Variants in BCKDHB observed in about 807,000 individuals in gnomAD.
BCKDHB encodes the protein 2-oxoisovalerate dehydrogenase subunit beta, mitochondrial.
A neutral mutation model predicts 48.5 loss-of-function variants in BCKDHB; 41 were observed. That is an observed-to-expected ratio of 0.85 (90% confidence interval 0.66 to 1.10). The LOEUF (loss-of-function observed/expected upper bound fraction) is 1.10. Ranked by LOEUF, BCKDHB falls within the 50% of genes least tolerant of loss-of-function variation. The pLI, the probability that BCKDHB is intolerant of heterozygous loss-of-function variation, is 0.00. For missense variants in BCKDHB, 496 were observed against 494.2 expected (o/e 1.00, Z -0.03); for synonymous variants, 201 against 174.8 (o/e 1.15, Z -1.18).
chr6:80,422,568 C>T, the BCKDHB span, among the ~76,000 whole-genome samples: 1 of 152,190 alleles, frequency 6.6e-6, no homozygotes, highest in Non-Finnish European at 1.5e-5. Context: ...CCCATGAAAG[C>T]ATCTGTGGGG....
intron 9 of BCKDHB, among the ~76,000 whole-genome samples, chr6:80,323,929 C>T (rs1398906252): frequency 1.3e-5 from 2 of 152,150 alleles, no homozygotes; most frequent in African/African-American, 4.8e-5. Flanking sequence ...CCCGCCACTA[C>T]GGCCGGCTAA....
the BCKDHB span, among the ~76,000 whole-genome samples, chr6:80,420,178 G>T: frequency 1.3e-5 from 2 of 152,092 alleles, no homozygotes; most frequent in East Asian, 3.9e-4. Flanking sequence ...ACTACCCACT[G>T]GAACTTTATT....
intron 6 of BCKDHB, among the ~76,000 whole-genome samples, chr6:80,196,391 G>A (rs1774131982): frequency 6.6e-6 from 1 of 152,068 alleles, no homozygotes; most frequent in African/African-American, 2.4e-5. Flanking sequence ...TATCCTCCGT[G>A]ATGAAACCTA....
chr6:80,130,390 A>C, intron 3 of BCKDHB, among the ~76,000 whole-genome samples: 1 of 151,298 alleles, frequency 6.6e-6, no homozygotes, highest in African/African-American at 2.4e-5. Context: ...TTTCTGTTCC[A>C]CTCTTTCTGA....
intron 9 of BCKDHB, among the ~76,000 whole-genome samples, chr6:80,329,057 T>G (rs1769189839): frequency 6.6e-6 from 1 of 152,248 alleles, no homozygotes; most frequent in African/African-American, 2.4e-5. Flanking sequence ...AATGGGAAAT[T>G]GATATCTTTA....
chr6:80,421,120 A>G, the BCKDHB span, among the ~76,000 whole-genome samples: 10 of 152,050 alleles, frequency 6.6e-5, no homozygotes. Flanking sequence ...GTGGGAGGTG[A>G]TTGAATCATG....
At chr6:80,335,245 A>AAG (rs1769522508) in intron 9 of BCKDHB, among the ~76,000 whole-genome samples, 2 of 105,774 alleles carry the variant, frequency 1.9e-5, no homozygotes, top group Middle Eastern at 5.6e-3. Flanking sequence ...AAAAAAAAAA[A>AAG]AAGAAGAAAA....
intron 8 of BCKDHB, among the ~76,000 whole-genome samples, chr6:80,238,172 A>G (rs1249179012): frequency 6.6e-6 from 1 of 152,134 alleles, no homozygotes. Flanking sequence ...ATCTTGGCTT[A>G]TAGCAACCTC....
At chr6:80,329,680 T>C (rs1246584700) in intron 9 of BCKDHB, among the ~76,000 whole-genome samples, 2 of 152,140 alleles carry the variant, frequency 1.3e-5, no homozygotes, top group Admixed American at 1.3e-4. Flanking sequence ...CTCACCAGGC[T>C]CCTTTCTGCA....
intron 3 of BCKDHB, among the ~76,000 whole-genome samples, chr6:80,164,712 G>A (rs1296425981): frequency 6.6e-5 from 10 of 152,140 alleles, no homozygotes; most frequent in Admixed American, 5.9e-4. Context: ...CATAAGAAAT[G>A]GAGCCTTAGA....
chr6:80,394,742 G>A, the BCKDHB span, among the ~76,000 whole-genome samples: 3 of 152,244 alleles, frequency 2.0e-5, no homozygotes, highest in East Asian at 5.8e-4. Context: ...CCTCAGTAAG[G>A]GAGTAGTCTA....
At chr6:80,129,383 A>G (rs535894893) in intron 3 of BCKDHB, among the ~76,000 whole-genome samples, 154 bp downstream of exon 3, 4 of 152,270 alleles carry the variant, frequency 2.6e-5, no homozygotes, top group South Asian at 2.1e-4. Context: ...CCTTTGGCCT[A>G]TATTTTCTCA....
At chr6:80,252,919 C>T (rs575378125) in intron 8 of BCKDHB, among the ~76,000 whole-genome samples, 67 of 152,094 alleles carry the variant, frequency 4.4e-4, no homozygotes, top group Non-Finnish European at 7.8e-4. Context: ...TCTCTTTCTT[C>T]ACCCCCTCCT....
At chr6:80,350,961 T>G (rs887163049), downstream of BCKDHB, among the ~76,000 whole-genome samples, 4 of 152,192 alleles carry the variant, frequency 2.6e-5, no homozygotes, top group African/African-American at 9.6e-5. Flanking sequence ...GCTCTCAATA[T>G]GTTGCTGAAT....
chr6:80,282,741 C>A (rs1289880784), intron 9 of BCKDHB, among the ~76,000 whole-genome samples: 1 of 151,978 alleles, frequency 6.6e-6, no homozygotes, highest in African/African-American at 2.4e-5. Context: ...AAGAAACTTG[C>A]ACTATAAGTC....
At chr6:80,269,965 A>G (rs1777666995) in intron 8 of BCKDHB, among the ~76,000 whole-genome samples, 1 of 152,100 alleles carries the variant, frequency 6.6e-6, no homozygotes, top group Non-Finnish European at 1.5e-5. Flanking sequence ...TAAAGGGGAC[A>G]AAAATATGTA....
Position 80,344,307 on chromosome 6 carries a change from A to G in BCKDHB, c.*503A>G, listed in dbSNP as rs1327026313. The G allele has an allele frequency of 5.6e-6, 1 of 177,556 alleles. No homozygotes were observed. The highest frequency in any genetic ancestry group is 1.5e-4 in the East Asian group (1 of 6,516). The allele number at this position is 177,556 out of a possible 1,614,324, so 11.0% of individuals were successfully genotyped here. On this transcript the variant is annotated 3_prime_UTR_variant, in exon 10 of 10. Coordinates refer to ENST00000320393, the MANE Select transcript of BCKDHB (RefSeq NM_183050.4). ...GGCATGAGCCACTGCACCTGGCTAT[A>G]TTTACATTTAATAGAAACATATCTA...
chr6:80,149,084 T>C (rs1381442458), intron 3 of BCKDHB, among the ~76,000 whole-genome samples: 2 of 152,154 alleles, frequency 1.3e-5, no homozygotes, highest in African/African-American at 4.8e-5. Context: ...GACAAAGGGC[T>C]AATATCCAGA....
chr6:80,400,401 G>A, the BCKDHB span, among the ~76,000 whole-genome samples: 259 of 152,072 alleles, frequency 1.7e-3, 3 homozygotes, highest in African/African-American at 5.8e-3. Context: ...CCATTACAAA[G>A]TGGGCAACAG....
Sources: allele counts gnomAD v4.1 joint callset (sites outside exome capture counted in the v4.1 genomes callset), GRCh38; gene constraint gnomAD v4.1.1; transcripts MANE v1.5; gene names NCBI Gene and HGNC (gene_info 2026-07-23, HGNC 2026-07-21).